Variants in SORCS2 observed in about 807,000 individuals in gnomAD.
SORCS2 encodes the protein sortilin related VPS10 domain containing receptor 2.
SORCS2 carries 100 observed loss-of-function variants against 141.6 expected under a neutral mutation model. That is an observed-to-expected ratio of 0.71 (90% CI 0.60 to 0.83). SORCS2 has a LOEUF of 0.83. Ranked by LOEUF, SORCS2 falls within the 40% of genes least tolerant of loss-of-function variation. The probability of loss-of-function intolerance (pLI) is 0.00; values close to 1 mark genes in which losing one functional copy is unlikely to be tolerated. For missense variants in SORCS2, 1,646 were observed against 1,560.2 expected, an observed-to-expected ratio of 1.05 and a Z score of -0.93; for synonymous variants, 789 against 676.9, an observed-to-expected ratio of 1.17 and a Z score of -2.57.
chr4:7,275,517 T>C (rs1715447517), intron 1 of SORCS2, among the ~76,000 whole-genome samples: 1 of 152,140 alleles, frequency 6.6e-6, no homozygotes, highest in African/African-American at 2.4e-5. Flanking sequence ...TTGTAGAGGC[T>C]GAATGTCCCC....
intron 2 of SORCS2, among the ~76,000 whole-genome samples, chr4:7,420,887 G>A (rs1725996113): frequency 2.6e-5 from 4 of 152,142 alleles, no homozygotes; most frequent in Admixed American, 2.6e-4. Context: ...GGCTTGGCGC[G>A]GAGCCTCTCG....
At chr4:7,275,263 C>G (rs970957073) in intron 1 of SORCS2, among the ~76,000 whole-genome samples, 1 of 152,182 alleles carries the variant, frequency 6.6e-6, no homozygotes, top group African/African-American at 2.4e-5. Flanking sequence ...TTCTCCATGA[C>G]TCGAAGTCAT....
intron 1 of SORCS2, among the ~76,000 whole-genome samples, chr4:7,214,300 AG>A (rs1336508943): frequency 6.6e-6 from 1 of 152,160 alleles, no homozygotes; most frequent in Non-Finnish European, 1.5e-5. Flanking sequence ...CTGTTGTTTC[AG>A]GAGTGGGTTA....
intron 2 of SORCS2, among the ~76,000 whole-genome samples, chr4:7,499,993 T>C (rs1731862340): frequency 6.6e-6 from 1 of 152,100 alleles, no homozygotes; most frequent in African/African-American, 2.4e-5. Flanking sequence ...CATCAGTCCA[T>C]TCACTGGGCA....
At chr4:7,502,214 A>G (rs1434562183) in intron 2 of SORCS2, among the ~76,000 whole-genome samples, 1 of 152,152 alleles carries the variant, frequency 6.6e-6, no homozygotes, top group Non-Finnish European at 1.5e-5. Flanking sequence ...TGTCCATTAA[A>G]ACAAGGAATG....
chr4:7,552,012 C>G (rs1230445606), intron 3 of SORCS2, among the ~76,000 whole-genome samples: 1 of 152,216 alleles, frequency 6.6e-6, no homozygotes, highest in Non-Finnish European at 1.5e-5. Flanking sequence ...GTGCTCCACA[C>G]GGCTCATAAA....
intron 3 of SORCS2, among the ~76,000 whole-genome samples, chr4:7,585,059 G>C (rs570280720): frequency 7.0e-4 from 106 of 152,336 alleles, no homozygotes; most frequent in African/African-American, 2.5e-3. Flanking sequence ...TGACATGTCA[G>C]AGTCTCAGAA....
At chr4:7,343,999 T>C (rs978935376) in intron 1 of SORCS2, among the ~76,000 whole-genome samples, 11 of 152,186 alleles carry the variant, frequency 7.2e-5, no homozygotes, top group African/African-American at 2.7e-4. Flanking sequence ...TTAGTTGGCT[T>C]CTAGGCCCTG....
At chr4:7,579,357 G>A (rs747622229) in intron 3 of SORCS2, among the ~76,000 whole-genome samples, 21 of 151,070 alleles carry the variant, frequency 1.4e-4, no homozygotes, top group East Asian at 7.7e-4. Context: ...ACACCCACCC[G>A]TGTGTGTGTG....
At chr4:7,561,881 A>G (rs536468647) in intron 3 of SORCS2, among the ~76,000 whole-genome samples, 2 of 152,090 alleles carry the variant, frequency 1.3e-5, no homozygotes, top group African/African-American at 4.8e-5. Flanking sequence ...TCATCCATTC[A>G]TCCATCTACC....
intron 1 of SORCS2, among the ~76,000 whole-genome samples, chr4:7,217,505 T>A (rs932077146): frequency 1.3e-5 from 2 of 152,148 alleles, no homozygotes; most frequent in African/African-American, 4.8e-5. Flanking sequence ...ATGCTTTTAC[T>A]TAGGATGAAG....
chr4:7,283,813 G>A (rs1159746560), intron 1 of SORCS2, among the ~76,000 whole-genome samples: 2 of 152,072 alleles, frequency 1.3e-5, no homozygotes, highest in Non-Finnish European at 2.9e-5. Flanking sequence ...GAGAGGAGAT[G>A]GAGGAGGGGG....
intron 3 of SORCS2, among the ~76,000 whole-genome samples, chr4:7,535,867 G>T (rs1712080678): frequency 6.6e-6 from 1 of 152,250 alleles, no homozygotes; most frequent in Non-Finnish European, 1.5e-5. Flanking sequence ...GTTCCCTCAG[G>T]CCCGGGTCAG....
At chr4:7,386,495 GCA>G (rs1293891951) in intron 1 of SORCS2, among the ~76,000 whole-genome samples, 557 of 54,182 alleles carry the variant, frequency 0.01, 32 homozygotes, top group African/African-American at 0.05. Flanking sequence ...TTGCACACAC[GCA>G]CACACATGCC....
intron 2 of SORCS2, among the ~76,000 whole-genome samples, chr4:7,488,006 C>T (rs943422937): frequency 3.9e-5 from 6 of 152,172 alleles, no homozygotes; most frequent in South Asian, 2.1e-4. Flanking sequence ...TCCCTGTCAC[C>T]GCCTCCAGGA....
At chr4:7,198,015 G>C (rs543457264) in intron 1 of SORCS2, among the ~76,000 whole-genome samples, 1 of 152,332 alleles carries the variant, frequency 6.6e-6, no homozygotes, top group East Asian at 1.9e-4. Context: ...GGAGCTCAGA[G>C]AATGATATCA....
At chr4:7,654,252 G>A (rs767645381) in intron 5 of SORCS2, 45 bp downstream of exon 5, 10 of 1,542,436 alleles carry the variant, frequency 6.5e-6, no homozygotes, top group Non-Finnish European at 7.9e-6. Context: ...CCGCAGCTCT[G>A]GTGAGAGCAC....
intron 3 of SORCS2, among the ~76,000 whole-genome samples, chr4:7,577,052 G>A (rs1225412704): frequency 2.6e-5 from 4 of 152,170 alleles, no homozygotes; most frequent in East Asian, 3.9e-4. Context: ...ATTAGAATTC[G>A]GCAAGGAGAG....
Position 7,193,682 on chromosome 4 carries a change from C to T in SORCS2, c.480+556C>T, listed in dbSNP as rs900237807. Reference sequence around the variant, plus strand: ...TCTCCCCGGGGTACTCTAGTGCGACCCGCGGCTGTCTTGAGCTCTTGCTGC... The same window carrying T: ...TCTCCCCGGGGTACTCTAGTGCGACTCGCGGCTGTCTTGAGCTCTTGCTGC... On this transcript the variant is annotated intron_variant, in intron 1 of 26. Coordinates refer to ENST00000507866, the MANE Select transcript of SORCS2 (RefSeq NM_020777.3). The surrounding 1 kb of genome is among the most constrained non-coding windows in gnomAD (Gnocchi z 4.8). Among the ~76,000 whole-genome samples the T allele has an allele frequency of 5.9e-5, 9 of 152,194 alleles. No homozygotes were observed. Among genetic ancestry groups the T allele is most frequent in the Non-Finnish European group, 1.3e-4 (9 of 68,034 alleles).
Sources: allele counts gnomAD v4.1 joint callset (sites outside exome capture counted in the v4.1 genomes callset), GRCh38; gene constraint gnomAD v4.1.1; non-coding constraint Gnocchi (gnomAD v3.1); transcripts MANE v1.5; gene names NCBI Gene and HGNC (gene_info 2026-07-23, HGNC 2026-07-21).